Variants in TLN2 observed in about 807,000 individuals in gnomAD.
TLN2 encodes the protein talin-2.
A neutral mutation model predicts 294.7 loss-of-function variants in TLN2; 118 were observed. The observed-to-expected ratio is 0.40, with a 90% CI of 0.34 to 0.47. The LOEUF is 0.47. Among genes scored for constraint, TLN2 ranks in the 20% least tolerant of loss-of-function variants. The pLI is 0.84. For missense variants in TLN2, 3,083 were observed against 3,282.2 expected (o/e 0.94, Z 1.48); for synonymous variants, 1,431 against 1,304.5 (o/e 1.10, Z -2.09).
chr15:62,594,434 C>T (rs969363651), intron 2 of TLN2, among the ~76,000 whole-genome samples: 3 of 152,150 alleles, frequency 2.0e-5, no homozygotes, highest in Admixed American at 6.5e-5. Context: ...TTTCAAACTC[C>T]TAGGCTCAAG....
chr15:62,792,899 A>G (rs1435229770), intron 46 of TLN2, 112 bp downstream of exon 46: 13 of 1,496,658 alleles, frequency 8.7e-6, no homozygotes, highest in African/African-American at 1.4e-5. Context: ...CAGCTGACTC[A>G]GCTGTCTCAT....
At chr15:62,803,788 T>G (rs2066088623) in intron 50 of TLN2, among the ~76,000 whole-genome samples, 1 of 152,230 alleles carries the variant, frequency 6.6e-6, no homozygotes, top group African/African-American at 2.4e-5. Context: ...TCCCCAGGAT[T>G]AGTCCCTGGT....
chr15:62,644,218 A>G (rs1039302013), intron 3 of TLN2, among the ~76,000 whole-genome samples: 3 of 132,260 alleles, frequency 2.3e-5, no homozygotes, highest in Non-Finnish European at 4.6e-5. Context: ...GCAATGTCTC[A>G]GTTGCATTTT....
intron 2 of TLN2, among the ~76,000 whole-genome samples, chr15:62,593,200 T>C (rs927972989): frequency 5.3e-5 from 8 of 152,196 alleles, no homozygotes; most frequent in African/African-American, 7.2e-5. Flanking sequence ...TAACCTGTTA[T>C]GCACTTTTGT....
At chr15:62,702,637 C>T in intron 18 of TLN2, 129 bp from the exon 19 acceptor site, 1 of 842,840 alleles carries the variant, frequency 1.2e-6, no homozygotes, top group African/African-American at 1.7e-5. Flanking sequence ...ATCTGGCAGA[C>T]CACCTGAGAT....
In TLN2 at chr15:62,723,329, CT is replaced by C. The variant is rs535700231; in HGVS notation, c.3126+844del. ...TCTACACTGGAATCACCTGGGGATG[CT>C]TATTAGAATGCACATCCCTGGGCCT... On this transcript the variant is annotated intron_variant, in intron 26 of 58. Transcript: ENST00000636159. 9.6e-4 allele frequency among the ~76,000 whole-genome samples: 146 copies of C among 152,272 alleles called. 2 individuals are homozygous for C. The Middle Eastern group carries it at 0.014, about 14-fold the overall frequency.
intron 1 of TLN2, among the ~76,000 whole-genome samples, chr15:62,416,312 A>G (rs1350705776): frequency 6.6e-6 from 1 of 152,208 alleles, no homozygotes; most frequent in Non-Finnish European, 1.5e-5. Flanking sequence ...ATAAATAAGT[A>G]GATTAATTAA....
intron 2 of TLN2, among the ~76,000 whole-genome samples, chr15:62,591,831 G>A (rs2046100546): frequency 6.6e-6 from 1 of 152,194 alleles, no homozygotes; most frequent in South Asian, 2.1e-4. Flanking sequence ...GGGATCAGGT[G>A]TGCTCAGGAT....
At chr15:62,528,494 ACT>A (rs2040857149) in intron 1 of TLN2, among the ~76,000 whole-genome samples, 2 of 152,180 alleles carry the variant, frequency 1.3e-5, no homozygotes, top group African/African-American at 2.4e-5. Flanking sequence ...TGTCTGCGAC[ACT>A]CTGTTCCACA....
At position 62,599,986 on chromosome 15, in the gene TLN2, A is replaced by G. The variant is rs572583225; in HGVS notation, c.-162+10224A>G. Among the ~76,000 whole-genome samples the G allele has an allele frequency of 6.6e-5, 10 of 152,276 alleles. No homozygotes were observed. In the East Asian group the frequency reaches 1.7e-3, roughly 26 times the overall value. On this transcript the variant is annotated intron_variant, in intron 2 of 58. Transcript: ENST00000636159. ...TGTTTCCAAAAACACTGCAGTGCCG[A>G]GGGGTCTCTGGTAGATGACAAATGA...
At chr15:62,633,241 A>G (rs1039016741) in intron 3 of TLN2, among the ~76,000 whole-genome samples, 1 of 152,178 alleles carries the variant, frequency 6.6e-6, no homozygotes, top group African/African-American at 2.4e-5. Flanking sequence ...GGCATAATGT[A>G]TACATATGCA....
intron 3 of TLN2, among the ~76,000 whole-genome samples, chr15:62,628,564 T>A (rs1174924480): frequency 6.6e-6 from 1 of 152,264 alleles, no homozygotes; most frequent in African/African-American, 2.4e-5. Context: ...CATAGAAAGA[T>A]CTATATTTTC....
At chr15:62,649,692 G>A (rs1342616198) in intron 4 of TLN2, among the ~76,000 whole-genome samples, 1 of 152,144 alleles carries the variant, frequency 6.6e-6, no homozygotes, top group African/African-American at 2.4e-5. Flanking sequence ...CTTGGGCATA[G>A]GTGGTCACTT....
chr15:62,792,685 C>T lies in TLN2; in HGVS notation c.5781C>T (p.Gly1927=), dbSNP rs199706459. ...IRTRVQDLGH[G]CIFLVQKAGA... ...CTCGTGTGCAGGACCTGGGCCACGG[C>T]TGTATCTTCCTGGTGCAGAAGGCAG... The change falls in exon 46 of 59, where the codon GGC becomes GGT. Residue 1927 remains glycine, a synonymous_variant. Transcript: ENST00000636159. The T allele has an allele frequency of 2.2e-5, 35 of 1,613,976 alleles. No individual in the cohort carries two copies. The African/African-American group carries it at 3.2e-4, about 15-fold the overall frequency.
intron 1 of TLN2, among the ~76,000 whole-genome samples, chr15:62,520,802 G>A (rs1224231002): frequency 6.6e-6 from 1 of 152,120 alleles, no homozygotes; most frequent in African/African-American, 2.4e-5. Context: ...GGGAGATAGA[G>A]CGATTTAAAA....
intron 42 of TLN2, among the ~76,000 whole-genome samples, chr15:62,774,116 T>A (rs1418772313): frequency 1.3e-5 from 2 of 152,150 alleles, no homozygotes; most frequent in East Asian, 3.9e-4. Flanking sequence ...TGTTGGACAG[T>A]TCTAATTATT....
chr15:62,455,863 C>T (rs567784011), intron 1 of TLN2, among the ~76,000 whole-genome samples: 80 of 152,298 alleles, frequency 5.3e-4, no homozygotes, highest in Non-Finnish European at 7.9e-4. Context: ...CCTTCTCTAC[C>T]GCCGCCACCT....
At chr15:62,630,205 A>G (rs1402000725) in intron 3 of TLN2, among the ~76,000 whole-genome samples, 1 of 152,222 alleles carries the variant, frequency 6.6e-6, no homozygotes, top group Non-Finnish European at 1.5e-5. Context: ...TCACTTGGAA[A>G]GAGGACAGGT....
chr15:62,635,745 A>G (rs1458332927), intron 3 of TLN2, among the ~76,000 whole-genome samples: 1 of 152,200 alleles, frequency 6.6e-6, no homozygotes, highest in East Asian at 1.9e-4. Flanking sequence ...TTCCAGAATC[A>G]TTAGGTAAAG....
Sources: allele counts gnomAD v4.1 joint callset (sites outside exome capture counted in the v4.1 genomes callset), GRCh38; gene constraint gnomAD v4.1.1; transcripts MANE v1.5; gene names NCBI Gene and HGNC (gene_info 2026-07-23, HGNC 2026-07-21).